Variants in KIF26B observed in about 807,000 individuals in gnomAD.
KIF26B encodes the protein kinesin family member 26B.
Under a neutral mutation model 151.2 loss-of-function variants are expected in KIF26B, and 63 were observed. The observed-to-expected ratio is 0.42, with a 90% CI of 0.34 to 0.51. The LOEUF (loss-of-function observed/expected upper bound fraction) is 0.51, where lower values mean the gene tolerates loss of function less well. Ranked by LOEUF, KIF26B falls within the 20% of genes least tolerant of loss-of-function variation. The probability of loss-of-function intolerance (pLI) is 0.07; values close to 1 mark genes in which losing one functional copy is unlikely to be tolerated. For synonymous variants in KIF26B, 1,357 were observed against 1,262.1 expected, an observed-to-expected ratio of 1.08 and a Z score of -1.59; for missense variants, 2,813 against 2,913.6, an observed-to-expected ratio of 0.97 and a Z score of 0.79.
chr1:245,698,394 A>T lies in KIF26B; in HGVS notation c.6027+86A>T. 1 of 1,253,636 alleles carries T rather than the reference A, an allele frequency of 8.0e-7. No homozygotes were observed. The highest frequency in any genetic ancestry group is 1.1e-6 in the Non-Finnish European group (1 of 897,814). The allele number at this position is 1,253,636 out of a possible 1,614,324, so 77.7% of individuals were successfully genotyped here. ...CAGGTGCTAGGCAGGGCCCTGGGGAAGAAAACTCAGACCCGGGCTTCCCAG... is the reference window on the plus strand; with the variant it reads ...CAGGTGCTAGGCAGGGCCCTGGGGATGAAAACTCAGACCCGGGCTTCCCAG... On this transcript the variant is annotated intron_variant, in intron 13 of 14. Coordinates refer to ENST00000407071, the MANE Select transcript of KIF26B (RefSeq NM_018012.4). This position sits in a 1 kb window ranked among gnomAD's most constrained non-coding sequence, Gnocchi z 4.0.
Position 245,685,973 on chromosome 1 carries a change from C to T in KIF26B, c.2990C>T (p.Pro997Leu). The change falls in exon 12 of 15, where the codon CCA (proline) becomes CTA (leucine). Residue 997 changes from proline to leucine, a missense_variant. Pro to Leu is a moderately conservative substitution (Grantham distance 98). Coordinates refer to ENST00000407071, the MANE Select transcript of KIF26B (RefSeq NM_018012.4). Reference sequence around the variant, plus strand: ...ACCAACAGAGAAGGCCCTGAACTCCCAGCCTCCAAGATGCAGAGGAGTCAC... The same window carrying T: ...ACCAACAGAGAAGGCCCTGAACTCCTAGCCTCCAAGATGCAGAGGAGTCAC... ...QLTNREGPEL[P>L]ASKMQRSHSP... 1 of 1,601,210 alleles carries T rather than the reference C, an allele frequency of 6.2e-7. No individual in the cohort carries two copies. The highest frequency in any genetic ancestry group is 8.5e-7 in the Non-Finnish European group (1 of 1,174,292).
intron 10 of KIF26B, among the ~76,000 whole-genome samples, chr1:245,665,999 C>CT (rs33957488): frequency 0.086 from 9,254 of 107,288 alleles, 1,643 homozygotes; most frequent in African/African-American, 0.3. Flanking sequence ...ACATTATGTC[C>CT]TTTTTTTTTT....
At position 245,424,641 on chromosome 1, in the gene KIF26B, T is replaced by G. The variant is rs1658577619; in HGVS notation, c.1166+4896T>G. ...GTGGTCTGTGCTGGTCCACACACGG[T>G]TACTGGTCTGTGATAAGTATAGAAA... On this transcript the variant is annotated intron_variant, in intron 4 of 14. Transcript: ENST00000407071. Among the ~76,000 whole-genome samples the G allele has an allele frequency of 7.9e-5, 12 of 152,344 alleles. No individual in the cohort carries two copies. In the South Asian group the frequency reaches 2.5e-3, roughly 32 times the overall value.
In KIF26B at chr1:245,426,919, G is replaced by A. The variant is rs489938; in HGVS notation, c.1166+7174G>A. On this transcript the variant is annotated intron_variant, in intron 4 of 14. Coordinates refer to ENST00000407071, the MANE Select transcript of KIF26B (RefSeq NM_018012.4). Reference sequence around the variant, plus strand: ...GTTTCAGCAAATGCTTTTCATATATGATCTTGTATGATGAAGGCTTTCTTT... The same window carrying A: ...GTTTCAGCAAATGCTTTTCATATATAATCTTGTATGATGAAGGCTTTCTTT... 5.9e-3 allele frequency among the ~76,000 whole-genome samples: 894 copies of A among 152,316 alleles called. 5 individuals carry two copies. Among genetic ancestry groups the A allele is most frequent in the Non-Finnish European group, 9.0e-3 (615 of 68,034 alleles).
At chr1:245,431,039 T>G (rs1392547713) in intron 4 of KIF26B, among the ~76,000 whole-genome samples, 1 of 152,134 alleles carries the variant, frequency 6.6e-6, no homozygotes, top group Non-Finnish European at 1.5e-5. Context: ...CACCATGCTC[T>G]CCTGCCTCCA....
At chr1:245,640,140 T>TCC (rs2043875574) in intron 9 of KIF26B, among the ~76,000 whole-genome samples, 1 of 73,232 alleles carries the variant, frequency 1.4e-5, no homozygotes, top group Non-Finnish European at 2.8e-5. Context: ...TCTCTCTCTC[T>TCC]CTCTATATAT....
intron 2 of KIF26B, among the ~76,000 whole-genome samples, chr1:245,355,521 A>T (rs1464926204): frequency 6.6e-6 from 1 of 150,980 alleles, no homozygotes; most frequent in East Asian, 2.0e-4. Context: ...ATTTGAGCCC[A>T]GGAGAGTGAG....
chr1:245,528,908 G>C (rs1024543627), intron 4 of KIF26B, among the ~76,000 whole-genome samples: 1 of 152,174 alleles, frequency 6.6e-6, no homozygotes, highest in Non-Finnish European at 1.5e-5. Context: ...ATCTGGGTCT[G>C]ACTTACTAGG....
At chr1:245,414,147 G>A (rs1674360680) in intron 3 of KIF26B, among the ~76,000 whole-genome samples, 1 of 152,238 alleles carries the variant, frequency 6.6e-6, no homozygotes, top group Admixed American at 6.5e-5. Flanking sequence ...CACACCCAGT[G>A]GAGTTAGCGT....
chr1:245,410,667 C>A (rs1332765137), intron 3 of KIF26B, among the ~76,000 whole-genome samples: 2 of 152,198 alleles, frequency 1.3e-5, no homozygotes, highest in African/African-American at 4.8e-5. Flanking sequence ...CCAGCCTGGT[C>A]TTGAACTCCT....
At chr1:245,681,686 T>C (rs1206380197) in intron 10 of KIF26B, among the ~76,000 whole-genome samples, 2 of 152,288 alleles carry the variant, frequency 1.3e-5, no homozygotes, top group South Asian at 2.1e-4. Context: ...CATCAGATGA[T>C]GAGAACATTT....
intron 10 of KIF26B, among the ~76,000 whole-genome samples, chr1:245,673,206 C>T (rs1264841699): frequency 1.7e-5 from 2 of 120,282 alleles, no homozygotes; most frequent in African/African-American, 3.4e-5. Context: ...GCCCAGTCCC[C>T]GCTGCGCGCT....
chr1:245,390,943 A>AAAAAAAAAAACAAAACAAAAC (rs1553270131), intron 3 of KIF26B, among the ~76,000 whole-genome samples: 30 of 118,452 alleles, frequency 2.5e-4, no homozygotes, highest in East Asian at 1.7e-3. Flanking sequence ...AAAAAAAAAA[A>AAAAAAAAAAACAAAACAAAAC]AAAAAAAAAC....
At chr1:245,454,044 G>A (rs930634408) in intron 4 of KIF26B, among the ~76,000 whole-genome samples, 4 of 152,160 alleles carry the variant, frequency 2.6e-5, no homozygotes, top group African/African-American at 4.8e-5. Context: ...AATAAGAAGC[G>A]TGGAAGCTGA....
intron 4 of KIF26B, among the ~76,000 whole-genome samples, chr1:245,485,955 T>G (rs1448860167): frequency 6.6e-6 from 1 of 152,242 alleles, no homozygotes; most frequent in Non-Finnish European, 1.5e-5. Flanking sequence ...ATATGAGTAT[T>G]TTTCGTGGTG....
intron 5 of KIF26B, among the ~76,000 whole-genome samples, chr1:245,587,360 C>T (rs889616681): frequency 9.9e-5 from 15 of 152,114 alleles, no homozygotes; most frequent in Non-Finnish European, 1.2e-4. Context: ...GACAGCAACT[C>T]GTTTTTAAGC....
In KIF26B at chr1:245,167,371, T is replaced by C. The variant is rs1014065179; in HGVS notation, c.465+10688T>C. Among the ~76,000 whole-genome samples, 1 of 152,198 alleles carries C rather than the reference T, an allele frequency of 6.6e-6. No homozygotes were observed. The highest frequency in any genetic ancestry group is 1.5e-5 in the Non-Finnish European group (1 of 68,030). On this transcript the variant is annotated intron_variant, in intron 2 of 14. Transcript: ENST00000407071. This position sits in a 1 kb window ranked among gnomAD's most constrained non-coding sequence, Gnocchi z 4.2. ...CTAGGAACCGATAGAACTTGAGATT[T>C]TTCTGCAGTGTAATTTTGTCTTTGA...
At chr1:245,183,014 A>G (rs550454002) in intron 2 of KIF26B, among the ~76,000 whole-genome samples, 1 of 152,346 alleles carries the variant, frequency 6.6e-6, no homozygotes, top group Admixed American at 6.5e-5. Flanking sequence ...GAGGCTTTCG[A>G]TGCTAGTATC....
intron 9 of KIF26B, chr1:245,614,895 G>GCACAATTGCATCCAC (rs1558237361): frequency 1.3e-5 from 1 of 74,508 alleles, no homozygotes; most frequent in Non-Finnish European, 2.4e-5. Flanking sequence ...TTTAAAATCG[G>GCACAATTGCATCCAC]ATAGGGATGA....
Sources: allele counts gnomAD v4.1 joint callset (sites outside exome capture counted in the v4.1 genomes callset), GRCh38; gene constraint gnomAD v4.1.1; non-coding constraint Gnocchi (gnomAD v3.1); transcripts MANE v1.5; gene names NCBI Gene and HGNC (gene_info 2026-07-23, HGNC 2026-07-21).